The following KIF6 variants were observed in gnomAD, a reference collection of about 807,000 sequenced individuals.
The protein encoded by KIF6 is kinesin family member 6.
A neutral mutation model predicts 112.7 loss-of-function variants in KIF6; 106 were observed. That is an observed-to-expected ratio of 0.94 (90% CI 0.80 to 1.11). The LOEUF (loss-of-function observed/expected upper bound fraction) is 1.11, where lower values mean the gene tolerates loss of function less well. Among genes scored for constraint, KIF6 ranks in the 50% least tolerant of loss-of-function variants. The probability of loss-of-function intolerance (pLI) is 0.00; values close to 1 mark genes in which losing one functional copy is unlikely to be tolerated. For synonymous variants in KIF6, 339 were observed against 339.9 expected (o/e 1.00, Z 0.03); for missense variants, 929 against 964.0 (o/e 0.96, Z 0.48).
rs148276429 is a variant in KIF6 at position 39,358,978 on chromosome 6, T to C, written c.2082+1417A>G. Reference sequence around the variant, plus strand: ...TTTAAAAGTGGTACATGTATTACTATACCATAACTCAAAATATTTTGATAA... The same window carrying C: ...TTTAAAAGTGGTACATGTATTACTACACCATAACTCAAAATATTTTGATAA... On this transcript the variant is annotated intron_variant, in intron 18 of 22. Transcript: ENST00000287152. Among the ~76,000 whole-genome samples the C allele has an allele frequency of 7.9e-5, 12 of 152,350 alleles. No individual in the cohort carries two copies. In the East Asian group the frequency reaches 2.1e-3, roughly 27 times the overall value.
intron 6 of KIF6, among the ~76,000 whole-genome samples, chr6:39,605,917 AC>A (rs1226477115): frequency 2.6e-5 from 4 of 152,040 alleles, no homozygotes; most frequent in Non-Finnish European, 5.9e-5. Context: ...TTTTTCAGTT[AC>A]GTCCTTTTCA....
rs140687277 is a variant in KIF6, at chr6:39,600,439, C to T, written c.640-4179G>A. 4.0e-3 allele frequency among the ~76,000 whole-genome samples: 605 copies of T among 152,178 alleles called. 6 individuals carry two copies. The highest frequency in any genetic ancestry group is 0.014 in the African/African-American group (581 of 41,522). On this transcript the variant is annotated intron_variant, in intron 6 of 22. Transcript: ENST00000287152. Reference sequence around the variant, plus strand: ...ACAATCTAGTCAGGATCTAAAGCCACAATGTGTGAAATGAGAATGAGCATG... The same window carrying T: ...ACAATCTAGTCAGGATCTAAAGCCATAATGTGTGAAATGAGAATGAGCATG...
intron 13 of KIF6, among the ~76,000 whole-genome samples, chr6:39,488,365 T>G (rs1351665154): frequency 6.6e-6 from 1 of 152,242 alleles, no homozygotes; most frequent in African/African-American, 2.4e-5. Flanking sequence ...TTAGATAGTT[T>G]GCCCTGTGGT....
intron 3 of KIF6, among the ~76,000 whole-genome samples, chr6:39,704,564 G>A (rs574416210): frequency 2.3e-4 from 35 of 152,220 alleles, no homozygotes; most frequent in African/African-American, 8.2e-4. Context: ...GTTGCAGTGA[G>A]CCAAGATCGT....
At chr6:39,458,709 G>A (rs1276711091) in intron 13 of KIF6, among the ~76,000 whole-genome samples, 4 of 88,550 alleles carry the variant, frequency 4.5e-5, no homozygotes, top group African/African-American at 1.8e-4. Flanking sequence ...AAAATCACAA[G>A]CATTCTTATA....
At chr6:39,533,192 C>T (rs952345363) in intron 13 of KIF6, among the ~76,000 whole-genome samples, 2 of 152,176 alleles carry the variant, frequency 1.3e-5, no homozygotes, top group Non-Finnish European at 2.9e-5. Flanking sequence ...CGTGCGTGAG[C>T]CGAAGCAGGG....
intron 5 of KIF6, among the ~76,000 whole-genome samples, chr6:39,616,481 C>T (rs1783527719): frequency 6.6e-6 from 1 of 152,160 alleles, no homozygotes; most frequent in Non-Finnish European, 1.5e-5. Flanking sequence ...TCATGGGCTT[C>T]CCCCTGCTTA....
intron 13 of KIF6, among the ~76,000 whole-genome samples, chr6:39,454,512 A>T (rs543405917): frequency 6.7e-6 from 1 of 150,114 alleles, no homozygotes. Context: ...CTTAGATATA[A>T]TAGTGATACT....
At chr6:39,615,727 T>C (rs1561866391) in intron 5 of KIF6, among the ~76,000 whole-genome samples, 2 of 152,158 alleles carry the variant, frequency 1.3e-5, no homozygotes, top group Non-Finnish European at 2.9e-5. Flanking sequence ...CTGTTCCACT[T>C]CATGCCCAAA....
At chr6:39,346,100 TCCCCC>T (rs1562113049) in intron 20 of KIF6, among the ~76,000 whole-genome samples, 12 of 8,160 alleles carry the variant, frequency 1.5e-3, no homozygotes, top group African/African-American at 6.1e-3. Flanking sequence ...CCCCTCTCCC[TCCCCC>T]CCTCCCTCTC....
chr6:39,488,141 A>C (rs1370399103), intron 13 of KIF6, among the ~76,000 whole-genome samples: 1 of 152,148 alleles, frequency 6.6e-6, no homozygotes, highest in Non-Finnish European at 1.5e-5. Flanking sequence ...CTACGAAGTT[A>C]TTTTCTTGAC....
At chr6:39,411,357 A>G (rs1349799321) in intron 15 of KIF6, among the ~76,000 whole-genome samples, 1 of 152,174 alleles carries the variant, frequency 6.6e-6, no homozygotes, top group Non-Finnish European at 1.5e-5. Flanking sequence ...TTATGATCGT[A>G]TCTTAATGGG....
At chr6:39,351,391 C>T (rs1254827250) in intron 19 of KIF6, among the ~76,000 whole-genome samples, 3 of 151,062 alleles carry the variant, frequency 2.0e-5, no homozygotes, top group African/African-American at 7.3e-5. Flanking sequence ...CCACCACGCC[C>T]GGCTATGGAT....
intron 13 of KIF6, among the ~76,000 whole-genome samples, chr6:39,522,437 G>A (rs916681070): frequency 6.6e-6 from 1 of 152,118 alleles, no homozygotes; most frequent in African/African-American, 2.4e-5. Context: ...TATCTTGAAT[G>A]ACTGCAGCAC....
At chr6:39,610,134 A>T (rs1055085843) in intron 6 of KIF6, among the ~76,000 whole-genome samples, 1 of 152,222 alleles carries the variant, frequency 6.6e-6, no homozygotes, top group Non-Finnish European at 1.5e-5. Context: ...AGACAAAAAA[A>T]GTATCAAGTT....
intron 15 of KIF6, among the ~76,000 whole-genome samples, chr6:39,391,317 T>C (rs552494628): frequency 2.6e-4 from 40 of 152,240 alleles, no homozygotes; most frequent in African/African-American, 9.1e-4. Context: ...GGCACATTGT[T>C]TGAGGCTGCG....
At chr6:39,425,165 G>A (rs1437172687) in intron 14 of KIF6, among the ~76,000 whole-genome samples, 1 of 152,202 alleles carries the variant, frequency 6.6e-6, no homozygotes, top group Admixed American at 6.5e-5. Context: ...GCAACCAGAT[G>A]CTCTGTCATG....
intron 12 of KIF6, among the ~76,000 whole-genome samples, chr6:39,543,592 C>G (rs764163280): frequency 1.3e-5 from 2 of 149,838 alleles, no homozygotes; most frequent in African/African-American, 5.0e-5. Flanking sequence ...GCATAAATAG[C>G]TGAAGCTAAA....
intron 13 of KIF6, among the ~76,000 whole-genome samples, chr6:39,528,886 A>T (rs1163756522): frequency 6.6e-6 from 1 of 152,214 alleles, no homozygotes; most frequent in East Asian, 1.9e-4. Flanking sequence ...TAAATTTCAT[A>T]TGGAACCACA....
Sources: gnomAD v4.1 joint callset for allele counts (sites outside exome capture counted in the v4.1 genomes callset) on GRCh38, gnomAD v4.1.1 for gene constraint, MANE v1.5 for transcripts, NCBI Gene and HGNC (gene_info 2026-07-23, HGNC 2026-07-21) for gene names.